The following GPC5 variants were observed in gnomAD, a reference collection of about 807,000 sequenced individuals.
GPC5 encodes the protein glypican 5.
Under a neutral mutation model 53.9 loss-of-function variants are expected in GPC5, and 47 were observed. The observed-to-expected ratio is 0.87, with a 90% CI of 0.69 to 1.11. The LOEUF is 1.11. Among genes scored for constraint, GPC5 ranks in the 50% most tolerant of loss-of-function variants. GPC5 has a pLI of 0.00. For missense variants in GPC5, 748 were observed against 713.1 expected, an observed-to-expected ratio of 1.05 and a Z score of -0.56; for synonymous variants, 286 against 263.3, an observed-to-expected ratio of 1.09 and a Z score of -0.84.
At chr13:91,572,044 CACACAT>C (rs2031889780) in intron 2 of GPC5, among the ~76,000 whole-genome samples, 3 of 103,096 alleles carry the variant, frequency 2.9e-5, no homozygotes, top group African/African-American at 1.6e-4. Context: ...TGTGTATATA[CACACAT>C]ATGTATATAT....
At chr13:92,608,153 G>A (rs1425178726) in intron 7 of GPC5, among the ~76,000 whole-genome samples, 2 of 152,110 alleles carry the variant, frequency 1.3e-5, no homozygotes, top group African/African-American at 4.8e-5. Flanking sequence ...TCAACAGTAG[G>A]CTATTAGTAA....
chr13:92,168,586 C>T (rs768907703), intron 7 of GPC5, among the ~76,000 whole-genome samples: 18 of 152,196 alleles, frequency 1.2e-4, no homozygotes, highest in Non-Finnish European at 2.1e-4. Flanking sequence ...AAAAAAAGCT[C>T]GACATCAGTG....
chr13:92,511,174 A>AT (rs1224574130), intron 7 of GPC5, among the ~76,000 whole-genome samples: 1 of 151,864 alleles, frequency 6.6e-6, no homozygotes, highest in African/African-American at 2.4e-5. Flanking sequence ...TTCTTAATGT[A>AT]TTTTTTCTAT....
At chr13:92,223,389 T>G (rs2042462969) in intron 7 of GPC5, among the ~76,000 whole-genome samples, 1 of 152,168 alleles carries the variant, frequency 6.6e-6, no homozygotes, top group African/African-American at 2.4e-5. Flanking sequence ...TGCTTTATTA[T>G]TAGTGACAGA....
chr13:91,855,208 T>G (rs2038954554), intron 5 of GPC5, among the ~76,000 whole-genome samples: 1 of 151,780 alleles, frequency 6.6e-6, no homozygotes, highest in Non-Finnish European at 1.5e-5. Context: ...CAGGTGAGTT[T>G]TAACATGCTT....
intron 7 of GPC5, among the ~76,000 whole-genome samples, chr13:92,340,148 G>A (rs1006534995): frequency 6.6e-6 from 1 of 152,056 alleles, no homozygotes; most frequent in Non-Finnish European, 1.5e-5. Context: ...ATTAATTAAG[G>A]ACACAATCAG....
At chr13:92,251,820 C>A (rs1285055627) in intron 7 of GPC5, among the ~76,000 whole-genome samples, 2 of 152,002 alleles carry the variant, frequency 1.3e-5, no homozygotes, top group South Asian at 2.1e-4. Flanking sequence ...CCTAATAGCC[C>A]CAAATGGCTG....
intron 6 of GPC5, chr13:92,059,878 C>T (rs559569123): frequency 1.3e-4 from 19 of 151,788 alleles, no homozygotes; most frequent in Admixed American, 7.9e-4. Flanking sequence ...TGCTGTCCAA[C>T]GAGTGCATAA....
At chr13:92,050,942 C>T (rs1305533323) in intron 6 of GPC5, among the ~76,000 whole-genome samples, 2 of 152,174 alleles carry the variant, frequency 1.3e-5, no homozygotes, top group African/African-American at 2.4e-5. Context: ...AAATTTGCTG[C>T]ACTTTATTTA....
chr13:91,593,470 GC>G (rs1461458362), intron 2 of GPC5, among the ~76,000 whole-genome samples: 1 of 70,120 alleles, frequency 1.4e-5, no homozygotes, highest in East Asian at 1.1e-3. Flanking sequence ...ATGTCTCTGG[GC>G]CTTTCTATAT....
chr13:92,310,363 T>C (rs1231421042), intron 7 of GPC5, among the ~76,000 whole-genome samples: 1 of 152,196 alleles, frequency 6.6e-6, no homozygotes, highest in Non-Finnish European at 1.5e-5. Context: ...AATTGCTGAA[T>C]GCTTTTGTAT....
At chr13:91,468,839 A>C (rs1276713806) in intron 2 of GPC5, among the ~76,000 whole-genome samples, 2 of 149,804 alleles carry the variant, frequency 1.3e-5, no homozygotes, top group Non-Finnish European at 3.0e-5. Flanking sequence ...TTTACTATTC[A>C]ATATTTAAGT....
intron 2 of GPC5, among the ~76,000 whole-genome samples, chr13:91,577,039 C>A (rs371181692): frequency 2.6e-5 from 4 of 152,106 alleles, no homozygotes; most frequent in African/African-American, 9.7e-5. Flanking sequence ...CTCTCTACTC[C>A]TTACTCATTT....
intron 2 of GPC5, among the ~76,000 whole-genome samples, chr13:91,583,627 A>G (rs2032452850): frequency 6.6e-6 from 1 of 152,130 alleles, no homozygotes; most frequent in African/African-American, 2.4e-5. Context: ...TAGAAACTGA[A>G]ATGCTGATTT....
chr13:92,206,638 C>A (rs1273047489), intron 7 of GPC5, among the ~76,000 whole-genome samples: 1 of 151,976 alleles, frequency 6.6e-6, no homozygotes. Context: ...AATATTATAT[C>A]CTGAAGATGC....
chr13:91,429,545 G>C (rs1330233317), intron 1 of GPC5, among the ~76,000 whole-genome samples: 1 of 152,192 alleles, frequency 6.6e-6, no homozygotes, highest in East Asian at 1.9e-4. Context: ...AAAGATGATA[G>C]AATGTTTAGT....
At chr13:91,911,984 G>A (rs1211757002) in intron 6 of GPC5, among the ~76,000 whole-genome samples, 1 of 152,138 alleles carries the variant, frequency 6.6e-6, no homozygotes, top group Non-Finnish European at 1.5e-5. Flanking sequence ...AACTCAGGGA[G>A]ACCACACAAC....
chr13:92,262,972 T>G (rs753957642), intron 7 of GPC5, among the ~76,000 whole-genome samples: 17 of 152,132 alleles, frequency 1.1e-4, no homozygotes, highest in Admixed American at 2.6e-4. Context: ...TCCATACTCT[T>G]TAGCTATTAG....
At chr13:92,385,555 T>C (rs201019490) in intron 7 of GPC5, among the ~76,000 whole-genome samples, 4,851 of 45,858 alleles carry the variant, frequency 0.11, 164 homozygotes, top group East Asian at 0.3. Context: ...TATACATATA[T>C]GCATATATAC....
Sources: gnomAD v4.1 joint callset for allele counts (sites outside exome capture counted in the v4.1 genomes callset) on GRCh38, gnomAD v4.1.1 for gene constraint, MANE v1.5 for transcripts, NCBI Gene and HGNC (gene_info 2026-07-23, HGNC 2026-07-21) for gene names.